The following CDK5RAP2 variants were observed in gnomAD, a reference collection of about 807,000 sequenced individuals.
CDK5RAP2 encodes CDK5 regulatory subunit-associated protein 2.
In CDK5RAP2, 147 loss-of-function variants were observed where a neutral mutation model predicts 232.9. The observed-to-expected ratio is 0.63, with a 90% CI of 0.55 to 0.72. The LOEUF is 0.72. Among genes scored for constraint, CDK5RAP2 ranks in the 30% least tolerant of loss-of-function variants. CDK5RAP2 has a pLI of 0.00. For missense variants in CDK5RAP2, 2,195 were observed against 2,231.5 expected (o/e 0.98, Z 0.33); for synonymous variants, 833 against 833.7 (o/e 1.00, Z 0.01).
At chr9:120,561,806 A>C (rs542664574) in intron 3 of CDK5RAP2, among the ~76,000 whole-genome samples, 1 of 152,208 alleles carries the variant, frequency 6.6e-6, no homozygotes, top group Non-Finnish European at 1.5e-5. Flanking sequence ...ACACAAAACT[A>C]TCAGTTGAAA....
intron 4 of CDK5RAP2, among the ~76,000 whole-genome samples, chr9:120,550,567 TTC>T (rs572107412): frequency 2.0e-5 from 3 of 152,228 alleles, no homozygotes; most frequent in Non-Finnish European, 4.4e-5. Context: ...TGAATCTGAA[TTC>T]TGATTTTTAA....
chr9:120,453,173 C>T (rs886535058), intron 21 of CDK5RAP2, among the ~76,000 whole-genome samples: 4 of 152,068 alleles, frequency 2.6e-5, no homozygotes, highest in Non-Finnish European at 4.4e-5. Flanking sequence ...CAAGACCTCA[C>T]GTGTGTTTTT....
intron 3 of CDK5RAP2, among the ~76,000 whole-genome samples, chr9:120,552,959 A>C (rs1244089625): frequency 6.6e-6 from 1 of 152,234 alleles, no homozygotes; most frequent in Non-Finnish European, 1.5e-5. Flanking sequence ...ATCTAGATGA[A>C]TATACATGGT....
At position 120,539,070 on chromosome 9, in the gene CDK5RAP2, G is replaced by C; in HGVS notation, c.478C>G (p.Leu160Val). The C allele has an allele frequency of 1.2e-6, 2 of 1,614,040 alleles. No individual in the cohort carries two copies. Among genetic ancestry groups the C allele is most frequent in the Non-Finnish European group, 1.7e-6 (2 of 1,179,922 alleles). ...TCCAAAAGGAGTATTCTTTTAGTTA[G>C]GAGATCTTCCACCTGCTGCACCTTC... ...RKKVQQVEDL[L>V]TKRILLLEKD... The change falls in exon 6 of 38, where the codon CTA becomes GTA. Residue 160 changes from leucine (L) to valine (V), a missense_variant. Physicochemically the swap from Leu to Val is conservative, Grantham distance 32. Coordinates refer to ENST00000349780, the MANE Select transcript of CDK5RAP2 (RefSeq NM_018249.6).
chr9:120,512,403 T>C (rs1405145929), intron 12 of CDK5RAP2, among the ~76,000 whole-genome samples: 1 of 152,216 alleles, frequency 6.6e-6, no homozygotes, highest in African/African-American at 2.4e-5. Context: ...TAGTCACTTT[T>C]ATTTTTCCTG....
chr9:120,438,491 A>C (rs759993471), intron 24 of CDK5RAP2, among the ~76,000 whole-genome samples: 6 of 152,212 alleles, frequency 3.9e-5, no homozygotes, highest in Admixed American at 2.0e-4. Context: ...CATGAGTAAC[A>C]TGAGTAAACA....
intron 26 of CDK5RAP2, 131 bp from the exon 27 acceptor site, chr9:120,420,091 T>C: frequency 1.3e-6 from 1 of 744,124 alleles, no homozygotes; most frequent in Non-Finnish European, 2.4e-6. Context: ...GTCAGACCTT[T>C]TATTTCCCTA....
At chr9:120,391,340 AAGG>A (rs2031952134) in intron 36 of CDK5RAP2, among the ~76,000 whole-genome samples, 1 of 152,288 alleles carries the variant, frequency 6.6e-6, no homozygotes, top group South Asian at 2.1e-4. Flanking sequence ...TCCCCACTGC[AAGG>A]AGAAGACCGA....
At chr9:120,419,554 T>A (rs535029331) in intron 27 of CDK5RAP2, among the ~76,000 whole-genome samples, 2 of 152,176 alleles carry the variant, frequency 1.3e-5, no homozygotes, top group Non-Finnish European at 1.5e-5. Flanking sequence ...AAGTCACATA[T>A]TAAGTCGTCA....
chr9:120,493,807 T>G (rs773581003), intron 12 of CDK5RAP2, among the ~76,000 whole-genome samples: 10 of 152,222 alleles, frequency 6.6e-5, no homozygotes, highest in Non-Finnish European at 1.2e-4. Flanking sequence ...TGCTTACTTA[T>G]TAAACAATAA....
At chr9:120,408,542 C>A in intron 30 of CDK5RAP2, 74 bp from the exon 31 acceptor site, 1 of 1,528,390 alleles carries the variant, frequency 6.5e-7, no homozygotes, top group Non-Finnish European at 9.0e-7. Context: ...CCCCACAGAG[C>A]AGGCCAATTC....
chr9:120,416,683 A>T (rs905645426), intron 27 of CDK5RAP2, among the ~76,000 whole-genome samples: 1 of 152,220 alleles, frequency 6.6e-6, no homozygotes, highest in Non-Finnish European at 1.5e-5. Context: ...CACAATTCCA[A>T]TCCAGGGGTA....
chr9:120,442,468 G>A (rs1057039693), intron 23 of CDK5RAP2, among the ~76,000 whole-genome samples: 7 of 152,142 alleles, frequency 4.6e-5, no homozygotes, highest in Non-Finnish European at 7.3e-5. Flanking sequence ...CCTCAGCTGC[G>A]CAACAATTAA....
intron 25 of CDK5RAP2, among the ~76,000 whole-genome samples, chr9:120,428,024 T>C (rs2035030728): frequency 6.6e-6 from 1 of 151,968 alleles, no homozygotes; most frequent in Non-Finnish European, 1.5e-5. Context: ...CATAACGAAA[T>C]GAAGGCAGAA....
chr9:120,443,596 T>C (rs1225753237), intron 23 of CDK5RAP2, 24 bp downstream of exon 23: 2 of 1,613,750 alleles, frequency 1.2e-6, no homozygotes, highest in Non-Finnish European at 1.7e-6. Context: ...AGCTGTTCAA[T>C]ACACACAGGG....
intron 20 of CDK5RAP2, among the ~76,000 whole-genome samples, chr9:120,456,809 C>A (rs1286564102): frequency 6.6e-6 from 1 of 152,162 alleles, no homozygotes; most frequent in Non-Finnish European, 1.5e-5. Context: ...AAATACTTTA[C>A]AAATGGGTAG....
At chr9:120,475,944 C>G (rs532119585) in intron 15 of CDK5RAP2, among the ~76,000 whole-genome samples, 13 of 152,090 alleles carry the variant, frequency 8.5e-5, no homozygotes, top group Non-Finnish European at 1.8e-4. Flanking sequence ...CCACGCAGGG[C>G]AGAAACACAG....
At chr9:120,460,378 C>T (rs551451872) in intron 19 of CDK5RAP2, among the ~76,000 whole-genome samples, 194 bp downstream of exon 19, 2 of 152,326 alleles carry the variant, frequency 1.3e-5, no homozygotes, top group Non-Finnish European at 2.9e-5. Flanking sequence ...TTTCATGTTT[C>T]ATGACTGGCT....
At chr9:120,511,924 T>C (rs927914355) in intron 12 of CDK5RAP2, among the ~76,000 whole-genome samples, 5 of 152,048 alleles carry the variant, frequency 3.3e-5, no homozygotes, top group Non-Finnish European at 7.4e-5. Flanking sequence ...TTTTAGTCGA[T>C]ACAGGATTTC....
Sources: gnomAD v4.1 joint callset for allele counts (sites outside exome capture counted in the v4.1 genomes callset) on GRCh38, gnomAD v4.1.1 for gene constraint, MANE v1.5 for transcripts, NCBI Gene and HGNC (gene_info 2026-07-23, HGNC 2026-07-21) for gene names.